Variants in SGCZ observed in about 807,000 individuals in gnomAD.
The protein encoded by SGCZ is sarcoglycan zeta.
A neutral mutation model predicts 41.3 loss-of-function variants in SGCZ; 40 were observed. The observed-to-expected ratio is 0.97, with a 90% CI of 0.75 to 1.26. The LOEUF (loss-of-function observed/expected upper bound fraction) is 1.26. Ranked by LOEUF, SGCZ falls within the 50% of genes most tolerant of loss-of-function variation. SGCZ has a pLI of 0.00. For synonymous variants in SGCZ, 206 were observed against 137.5 expected, an observed-to-expected ratio of 1.50 and a Z score of -3.49; for missense variants, 552 against 369.8, an observed-to-expected ratio of 1.49 and a Z score of -4.04.
chr8:14,280,474 G>A (rs779775285), intron 3 of SGCZ, among the ~76,000 whole-genome samples: 6 of 151,776 alleles, frequency 4.0e-5, no homozygotes, highest in Non-Finnish European at 7.4e-5. Flanking sequence ...AAGGGACTGG[G>A]CTAAATATAA....
intron 1 of SGCZ, among the ~76,000 whole-genome samples, chr8:15,141,078 C>T (rs982470290): frequency 7.2e-5 from 11 of 152,222 alleles, no homozygotes; most frequent in Admixed American, 5.2e-4. Context: ...TTTGCCCTGA[C>T]TTCTTATGTA....
intron 4 of SGCZ, among the ~76,000 whole-genome samples, chr8:14,187,726 T>C (rs1007941672): frequency 2.0e-5 from 3 of 152,038 alleles, no homozygotes; most frequent in Admixed American, 1.3e-4. Context: ...TGTGAACGTG[T>C]GTGTAATAGG....
intron 4 of SGCZ, among the ~76,000 whole-genome samples, chr8:14,227,286 G>A (rs769341524): frequency 6.6e-6 from 1 of 151,994 alleles, no homozygotes; most frequent in African/African-American, 2.4e-5. Context: ...ATTATGACAT[G>A]AGAAAAGGTG....
At chr8:14,589,039 A>G (rs1470231260) in intron 1 of SGCZ, among the ~76,000 whole-genome samples, 1 of 152,140 alleles carries the variant, frequency 6.6e-6, no homozygotes, top group Admixed American at 6.6e-5. Flanking sequence ...TCACCCTTCC[A>G]TCAATTGTGT....
chr8:14,995,446 A>G (rs1310527665), intron 1 of SGCZ, among the ~76,000 whole-genome samples: 3 of 152,178 alleles, frequency 2.0e-5, no homozygotes, highest in African/African-American at 4.8e-5. Flanking sequence ...GCAGGTTTCT[A>G]TTTCAGATAT....
intron 4 of SGCZ, among the ~76,000 whole-genome samples, chr8:14,219,829 C>A (rs1032260883): frequency 7.4e-6 from 1 of 135,606 alleles, no homozygotes; most frequent in Admixed American, 7.8e-5. Context: ...CAACCGACTA[C>A]CACTTCTTCA....
At chr8:14,418,199 A>T (rs1271964024) in intron 2 of SGCZ, among the ~76,000 whole-genome samples, 1 of 151,968 alleles carries the variant, frequency 6.6e-6, no homozygotes, top group African/African-American at 2.4e-5. Context: ...GATGTATACC[A>T]CTGAGGCATT....
intron 1 of SGCZ, among the ~76,000 whole-genome samples, chr8:15,131,391 T>C (rs1022627208): frequency 1.4e-4 from 21 of 152,338 alleles, no homozygotes; most frequent in African/African-American, 4.8e-4. Context: ...CTTTCTACGA[T>C]GATTGTGAAG....
intron 4 of SGCZ, among the ~76,000 whole-genome samples, chr8:14,173,833 C>A (rs947955825): frequency 6.6e-6 from 1 of 152,022 alleles, no homozygotes; most frequent in African/African-American, 2.4e-5. Context: ...ACACTAAACA[C>A]TGCCATAAAA....
intron 1 of SGCZ, among the ~76,000 whole-genome samples, chr8:15,199,680 G>A (rs942749081): frequency 3.9e-5 from 6 of 152,108 alleles, no homozygotes; most frequent in South Asian, 2.1e-4. Flanking sequence ...GCTAACACCT[G>A]TCAATAATAT....
chr8:14,913,726 T>C (rs1333994545), intron 1 of SGCZ, among the ~76,000 whole-genome samples: 1 of 152,100 alleles, frequency 6.6e-6, no homozygotes, highest in African/African-American at 2.4e-5. Context: ...ATTGTGTTCA[T>C]TTAAAAATTT....
At chr8:15,025,751 G>C (rs1326783795) in intron 1 of SGCZ, among the ~76,000 whole-genome samples, 1 of 152,124 alleles carries the variant, frequency 6.6e-6, no homozygotes, top group Admixed American at 6.6e-5. Flanking sequence ...ATATGAGATT[G>C]GAAATTAGTG....
chr8:14,539,475 T>C (rs923803317), intron 2 of SGCZ, among the ~76,000 whole-genome samples: 4 of 151,478 alleles, frequency 2.6e-5, no homozygotes, highest in South Asian at 4.1e-4. Flanking sequence ...CAAGAGGATA[T>C]TGGGGAAGAT....
At chr8:14,726,554 G>T (rs1393023086) in intron 1 of SGCZ, among the ~76,000 whole-genome samples, 3 of 151,464 alleles carry the variant, frequency 2.0e-5, no homozygotes, top group African/African-American at 7.3e-5. Context: ...GGAAAATATA[G>T]CAATTATGTG....
At chr8:14,657,820 G>A (rs763512864) in intron 1 of SGCZ, among the ~76,000 whole-genome samples, 2 of 151,980 alleles carry the variant, frequency 1.3e-5, no homozygotes, top group Non-Finnish European at 2.9e-5. Flanking sequence ...GAAAACCTAA[G>A]TCAAAATTAC....
chr8:14,126,368 A>T (rs961650517), intron 5 of SGCZ, among the ~76,000 whole-genome samples: 1 of 152,226 alleles, frequency 6.6e-6, no homozygotes, highest in Non-Finnish European at 1.5e-5. Context: ...GCCAACAAAC[A>T]TATAACGAAA....
At chr8:14,385,570 G>T (rs1804546180) in intron 2 of SGCZ, among the ~76,000 whole-genome samples, 1 of 152,148 alleles carries the variant, frequency 6.6e-6, no homozygotes, top group African/African-American at 2.4e-5. Flanking sequence ...GTGGGTCCAT[G>T]AACGAAACCA....
intron 1 of SGCZ, among the ~76,000 whole-genome samples, chr8:14,604,097 A>G (rs117147092): frequency 0.018 from 2,722 of 152,170 alleles, 48 homozygotes; most frequent in African/African-American, 0.039. Flanking sequence ...TTTATATAAA[A>G]TATACTACTC....
intron 1 of SGCZ, among the ~76,000 whole-genome samples, chr8:14,736,226 C>T (rs945375735): frequency 6.6e-6 from 1 of 152,088 alleles, no homozygotes; most frequent in Non-Finnish European, 1.5e-5. Context: ...TTTTGTTCTT[C>T]TGATTTCAAA....
Sources: allele counts gnomAD v4.1 joint callset (sites outside exome capture counted in the v4.1 genomes callset), GRCh38; gene constraint gnomAD v4.1.1; transcripts MANE v1.5; gene names NCBI Gene and HGNC (gene_info 2026-07-23, HGNC 2026-07-21).